Variants in CLPB observed in about 807,000 individuals in gnomAD.
CLPB encodes ClpB family mitochondrial disaggregase.
Under a neutral mutation model 78.4 loss-of-function variants are expected in CLPB, and 40 were observed. The ratio of observed to expected loss-of-function variants is 0.51; its 90% CI spans 0.40 to 0.66. CLPB has a LOEUF of 0.66. Among genes scored for constraint, CLPB ranks in the 30% least tolerant of loss-of-function variants. The pLI, the probability that CLPB is intolerant of heterozygous loss-of-function variation, is 0.00. For missense variants in CLPB, 780 were observed against 886.9 expected, an observed-to-expected ratio of 0.88 and a Z score of 1.53; for synonymous variants, 333 against 348.0, an observed-to-expected ratio of 0.96 and a Z score of 0.48.
intron 5 of CLPB, among the ~76,000 whole-genome samples, chr11:72,346,988 TAAAAAAAAAAAAA>T (rs60688188): frequency 1.7e-5 from 1 of 60,196 alleles, no homozygotes; most frequent in Non-Finnish European, 3.8e-5. Flanking sequence ...TCTCAAAAAT[TAAAAAAAAAAAAA>T]AAAAAAAAAG....
intron 3 of CLPB, among the ~76,000 whole-genome samples, chr11:72,385,624 A>C (rs1266915816): frequency 2.0e-5 from 3 of 152,188 alleles, no homozygotes; most frequent in African/African-American, 7.2e-5. Flanking sequence ...GGAGTTCGAG[A>C]CCAGCCTGGC....
chr11:72,374,488 G>A (rs118061133), intron 4 of CLPB, among the ~76,000 whole-genome samples: 1 of 152,248 alleles, frequency 6.6e-6, no homozygotes, highest in Non-Finnish European at 1.5e-5. Context: ...GAACAATCAG[G>A]CCAACAAGAT....
At chr11:72,329,837 A>G (rs770883974) in intron 5 of CLPB, 33 bp from the exon 6 acceptor site, 56 of 1,551,452 alleles carry the variant, frequency 3.6e-5, no homozygotes, top group Non-Finnish European at 4.6e-5. Context: ...CAGAGGCTCT[A>G]TGAACGATCA....
intron 7 of CLPB, among the ~76,000 whole-genome samples, chr11:72,311,978 C>G (rs1949855725): frequency 6.6e-6 from 1 of 152,238 alleles, no homozygotes. Context: ...CACACCACAT[C>G]TAGCCATTAA....
Position 72,361,936 on chromosome 11 carries a change from C to T in CLPB, c.647-2928G>A, listed in dbSNP as rs542441579. 5.8e-4 allele frequency among the ~76,000 whole-genome samples: 89 copies of T among 152,284 alleles called. 1 individual carries two copies. Among genetic ancestry groups the T allele is most frequent in the Admixed American group, 2.2e-3 (34 of 15,292 alleles). ...GACAGAGCTATACACAGGGTACTTA[C>T]CATAAACAGCAGATGAACTCAAGGA... On this transcript the variant is annotated intron_variant, in intron 4 of 15. Coordinates refer to ENST00000538039, the MANE Select transcript of CLPB (RefSeq NM_001258392.3).
chr11:72,307,290 C>T lies in CLPB; in HGVS notation c.1067-36G>A, dbSNP rs765932869. 1.3e-5 allele frequency: 21 copies of T among 1,561,878 alleles called. No individual in the cohort carries two copies. In the South Asian group the frequency reaches 2.2e-4, roughly 17 times the overall value. On this transcript the variant is annotated intron_variant, in intron 8 of 15. Transcript: ENST00000538039. ...AGAAGGGGGAGGTGTTGGGTTAGAA[C>T]CAGGTGACTAACCGCTGGAATGAAA...
rs570345234 is a variant in CLPB, at chr11:72,312,629, AGAG to A, written c.989-4028_989-4026del. ...GGTACTTCAACTCATTTTACAGAGA[AGAG>A]GAGAAGAGTAAGGCCTAGACTTGAG... On this transcript the variant is annotated intron_variant, in intron 7 of 15. Coordinates refer to ENST00000538039, the MANE Select transcript of CLPB (RefSeq NM_001258392.3). This position sits in a 1 kb window ranked among gnomAD's most constrained non-coding sequence, Gnocchi z 4.2. 3.9e-5 allele frequency among the ~76,000 whole-genome samples: 6 copies of A among 152,228 alleles called. No individual in the cohort carries two copies. Among genetic ancestry groups the A allele is most frequent in the Non-Finnish European group, 7.3e-5 (5 of 68,032 alleles).
chr11:72,368,025 G>A (rs1379802817), intron 4 of CLPB, among the ~76,000 whole-genome samples: 1 of 152,082 alleles, frequency 6.6e-6, no homozygotes, highest in Non-Finnish European at 1.5e-5. Context: ...ATGTAGTAAG[G>A]ACTCAATAAA....
intron 1 of CLPB, among the ~76,000 whole-genome samples, chr11:72,431,214 A>T (rs1161329520): frequency 1.3e-5 from 2 of 152,230 alleles, no homozygotes; most frequent in Non-Finnish European, 2.9e-5. Context: ...TCAAAAGTCA[A>T]CAGGAGAGGC....
chr11:72,328,763 G>A (rs1302308691), intron 6 of CLPB, among the ~76,000 whole-genome samples: 1 of 152,196 alleles, frequency 6.6e-6, no homozygotes, highest in Non-Finnish European at 1.5e-5. Flanking sequence ...AGCCTATTAT[G>A]TTCAGTTTTG....
At chr11:72,332,303 T>A (rs1320161740) in intron 5 of CLPB, among the ~76,000 whole-genome samples, 2 of 144,572 alleles carry the variant, frequency 1.4e-5, no homozygotes, top group Non-Finnish European at 3.0e-5. Context: ...GCCAACATGG[T>A]GAAACCCCAT....
At chr11:72,336,623 CA>C (rs1373600580) in intron 5 of CLPB, 2 of 154,230 alleles carry the variant, frequency 1.3e-5, no homozygotes, top group African/African-American at 4.8e-5. Flanking sequence ...TCTTGCTTTC[CA>C]TATTTATTGC....
In CLPB at chr11:72,293,418, T is replaced by C; in HGVS notation, c.1983A>G (p.Arg661=). The change falls in exon 16 of 16, where the codon AGA becomes AGG. Residue 661 remains arginine, a synonymous_variant. Coordinates refer to ENST00000538039, the MANE Select transcript of CLPB (RefSeq NM_001258392.3). ...EIIDKDSKTR[R]LDIRAPLHPE... ...GGTGCAGTGGTGCCCGGATGTCCAG[T>C]CTGCGAGTCTTGCTGTCCTTGTCGA... 6.2e-7 allele frequency: 1 copy of C among 1,614,124 alleles called. No homozygotes were observed. The highest frequency in any genetic ancestry group is 8.5e-7 in the Non-Finnish European group (1 of 1,180,016).
intron 3 of CLPB, among the ~76,000 whole-genome samples, chr11:72,395,121 C>T (rs1855367461): frequency 6.6e-6 from 1 of 152,184 alleles, no homozygotes; most frequent in South Asian, 2.1e-4. Context: ...AGCATCATCT[C>T]CTCCACAGCA....
chr11:72,394,097 T>C (rs991740512), intron 3 of CLPB, among the ~76,000 whole-genome samples: 2 of 152,196 alleles, frequency 1.3e-5, no homozygotes, highest in East Asian at 1.9e-4. Flanking sequence ...AGTCTGACTA[T>C]ACTATTTTTA....
intron 11 of CLPB, among the ~76,000 whole-genome samples, chr11:72,298,742 C>T (rs1270083855): frequency 6.6e-6 from 1 of 152,190 alleles, no homozygotes; most frequent in Non-Finnish European, 1.5e-5. Flanking sequence ...AAGTGATCTG[C>T]CCACCTCGGC....
chr11:72,349,854 A>C (rs1455118639), intron 5 of CLPB, among the ~76,000 whole-genome samples: 1 of 152,238 alleles, frequency 6.6e-6, no homozygotes, highest in African/African-American at 2.4e-5. Context: ...GACACGGAAC[A>C]GACCTGGCCC....
At position 72,359,595 on chromosome 11, in the gene CLPB, T is replaced by TATAAAAGCA. The variant is rs1950794489; in HGVS notation, c.647-596_647-588dup. Among the ~76,000 whole-genome samples the TATAAAAGCA allele has an allele frequency of 3.3e-5, 5 of 152,326 alleles. No homozygotes were observed. In the South Asian group the frequency reaches 1.0e-3, roughly 32 times the overall value. Reference sequence around the variant, plus strand: ...TTAATTTTTTAAAGCTTAAAAAATTTATAAAAGCAATTAAATTTTTAAAAT... The same window carrying TATAAAAGCA: ...TTAATTTTTTAAAGCTTAAAAAATTTATAAAAGCAATAAAAGCAATTAAATTTTTAAAAT... On this transcript the variant is annotated intron_variant, in intron 4 of 15. Coordinates refer to ENST00000538039, the MANE Select transcript of CLPB (RefSeq NM_001258392.3).
intron 3 of CLPB, among the ~76,000 whole-genome samples, chr11:72,402,632 C>T (rs1258190202): frequency 6.6e-6 from 1 of 152,182 alleles, no homozygotes. Flanking sequence ...TCAAGGTCAA[C>T]AGATGGTAGG....
Sources: gnomAD v4.1 joint callset for allele counts (sites outside exome capture counted in the v4.1 genomes callset) on GRCh38, gnomAD v4.1.1 for gene constraint, Gnocchi (gnomAD v3.1) non-coding constraint, MANE v1.5 for transcripts, NCBI Gene and HGNC (gene_info 2026-07-23, HGNC 2026-07-21) for gene names.